The following DNAJB1 variants were observed in gnomAD, a reference collection of about 807,000 sequenced individuals.
DNAJB1 encodes the protein dnaJ homolog subfamily B member 1.
In DNAJB1, 14 loss-of-function variants were observed where a neutral mutation model predicts 24.0. The observed-to-expected ratio is 0.58, with a 90% CI of 0.39 to 0.91. The LOEUF is 0.91. Among genes scored for constraint, DNAJB1 ranks in the 40% least tolerant of loss-of-function variants. The pLI is 0.00. For missense variants in DNAJB1, 517 were observed against 458.1 expected (o/e 1.13, Z -1.17); for synonymous variants, 262 against 174.4 (o/e 1.50, Z -3.96).
In DNAJB1 at chr19:14,527,165, C is replaced by CTTTTTTTTTTT. The variant is rs369143149; in HGVS notation, c.-90+550_-90+560dup. Reference sequence around the variant, plus strand: ...AACTGCCACCAGAAAAATATCTCTGCTTTTTTTTTTTTTTTTTTTTTTTTT... The same window carrying CTTTTTTTTTTT: ...AACTGCCACCAGAAAAATATCTCTGCTTTTTTTTTTTTTTTTTTTTTTTTTTTTTTTTTTTT... On this transcript the variant is annotated intron_variant, in intron 2 of 3. Coordinates refer to the DNAJB1 transcript ENST00000396969. Among the ~76,000 whole-genome samples the CTTTTTTTTTTT allele has an allele frequency of 2.1e-3, 85 of 41,306 alleles. 12 individuals are homozygous for CTTTTTTTTTTT. Among genetic ancestry groups the CTTTTTTTTTTT allele is most frequent in the Non-Finnish European group, 2.7e-3 (66 of 24,750 alleles). 27.1% of individuals were successfully genotyped at this position (41,306 alleles called of 152,430 possible). A position where few individuals can be genotyped will look rare whatever the true frequency, so the allele number is the denominator to read the frequency against.
chr19:14,527,660 A>T (rs1262615628), intron 2 of DNAJB1: 2 of 152,182 alleles, frequency 1.3e-5, no homozygotes, highest in African/African-American at 4.8e-5. Context: ...CCAAATCTGG[A>T]TGACTGAGTT....
At chr19:14,545,511 T>TG (rs956935160) in intron 1 of DNAJB1, among the ~76,000 whole-genome samples, 5 of 151,834 alleles carry the variant, frequency 3.3e-5, no homozygotes, top group South Asian at 4.2e-4. Flanking sequence ...GCCTAGGGGG[T>TG]GGGGGGGATA....
Position 14,517,882 on chromosome 19 carries a change from G to A in DNAJB1, c.211+257C>T, listed in dbSNP as rs1599381360. 4 of 380,816 alleles carry A rather than the reference G, an allele frequency of 1.1e-5. No individual in the cohort carries two copies. In the East Asian group the frequency reaches 1.2e-4, roughly 11 times the overall value. 23.6% of individuals were successfully genotyped at this position (380,816 alleles called of 1,614,324 possible). On this transcript the variant is annotated intron_variant, in intron 1 of 2. Transcript: ENST00000254322. ...ATGCACCGCACCCCGGGGCTGCTCG[G>A]GGCCGCGGGAGGAGGCGCCCGGGGA...
upstream of DNAJB1, among the ~76,000 whole-genome samples, chr19:14,552,514 A>G (rs2073564510): frequency 6.6e-6 from 1 of 150,928 alleles, no homozygotes; most frequent in East Asian, 2.0e-4. Flanking sequence ...CGTAACAGGC[A>G]TCACAGTCTT....
chr19:14,555,438 C>CT (rs747503834), intron 1 of DNAJB1, among the ~76,000 whole-genome samples: 1,310 of 92,862 alleles, frequency 0.014, 76 homozygotes, highest in Non-Finnish European at 0.019. Context: ...TTTATTTATT[C>CT]TTTTTTTTTT....
intron 1 of DNAJB1, among the ~76,000 whole-genome samples, chr19:14,528,496 C>A (rs903608211): frequency 3.3e-5 from 5 of 151,974 alleles, no homozygotes; most frequent in Non-Finnish European, 7.4e-5. Flanking sequence ...CCTCGGCCTC[C>A]CAAGGTGCTA....
chr19:14,537,435 A>G (rs1206017825), intron 1 of DNAJB1, among the ~76,000 whole-genome samples: 2 of 137,302 alleles, frequency 1.5e-5, no homozygotes, highest in African/African-American at 5.2e-5. Context: ...CTTCTGGACT[A>G]ACTGGTTCCT....
intron 1 of DNAJB1, among the ~76,000 whole-genome samples, chr19:14,535,487 A>G (rs2072830598): frequency 1.8e-5 from 2 of 111,630 alleles, no homozygotes; most frequent in African/African-American, 7.1e-5. Flanking sequence ...AGCCTGGGCG[A>G]CAGAGCGAGA....
intron 1 of DNAJB1, among the ~76,000 whole-genome samples, chr19:14,546,984 T>C (rs1338524230): frequency 2.0e-5 from 3 of 152,306 alleles, no homozygotes; most frequent in East Asian, 1.9e-4. Flanking sequence ...CATGAGCCAC[T>C]GCACCCAGCC....
At chr19:14,517,377 G>A (rs960363809) in intron 1 of DNAJB1, 3 of 271,328 alleles carry the variant, frequency 1.1e-5, no homozygotes, top group African/African-American at 2.2e-5. Flanking sequence ...GTCCAGGGTC[G>A]GCTTTCGGTA....
At position 14,549,942 on chromosome 19, in the gene DNAJB1, CAA is replaced by C. The variant is rs908988580; in HGVS notation, c.-214+264_-214+265del. Among the ~76,000 whole-genome samples the C allele has an allele frequency of 1.4e-5, 2 of 144,510 alleles. 1 individual carries two copies. The highest frequency in any genetic ancestry group is 4.5e-4 in the South Asian group (2 of 4,466). 94.8% of individuals were successfully genotyped at this position (144,510 alleles called of 152,430 possible). A position where few individuals can be genotyped will look rare whatever the true frequency, so the allele number is the denominator to read the frequency against. On this transcript the variant is annotated intron_variant, in intron 1 of 3. Transcript: ENST00000676982. The stretch of plus-strand genomic sequence containing the variant: ...TGGGCAACACAGTGAGACTCTGTCT[CAA>C]AAAAAAAAATAAAAAAAATAAACTA...
intron 1 of DNAJB1, chr19:14,517,933 C>A: frequency 2.1e-6 from 1 of 483,928 alleles, no homozygotes; most frequent in South Asian, 4.7e-5. Flanking sequence ...ATGCTAGAAG[C>A]TTCTGGCCGA....
chr19:14,518,299 G>A lies in DNAJB1; in HGVS notation c.51C>T (p.Asp17=), dbSNP rs774213662. 5.0e-6 allele frequency: 8 copies of A among 1,608,250 alleles called. No homozygotes were observed. The Admixed American group carries it at 5.0e-5, about 10-fold the overall frequency. ...QTLGLARGAS[D]EEIKRAYRRQ... is the part of the protein sequence containing the mutation. ...GGCGGTAGGCCCGCTTGATCTCCTC[G>A]TCCGACGCGCCGCGGGCCAGGCCCA... The change falls in exon 1 of 3, where the codon GAC becomes GAT. Residue 17 remains aspartate (D), a synonymous_variant. Transcript: ENST00000254322.
At position 14,516,828 on chromosome 19, in the gene DNAJB1, C is replaced by G; in HGVS notation, c.430G>C (p.Val144Leu). 1 of 1,613,808 alleles carries G rather than the reference C, an allele frequency of 6.2e-7. No homozygotes were observed. The highest frequency in any genetic ancestry group is 8.5e-7 in the Non-Finnish European group (1 of 1,179,958). ...FPMGMGGFTNVNFGRSRSAQE... is the reference protein window; with the variant it reads ...FPMGMGGFTNLNFGRSRSAQE... ...GCAGAGCGGGAGCGGCCAAAGTTCA[C>G]GTTGGTGAAGCCACCCATGCCCATA... The change falls in exon 2 of 3, where the codon GTG (valine) becomes CTG (leucine). Residue 144 changes from valine to leucine, a missense_variant. Coordinates refer to ENST00000254322, the MANE Select transcript of DNAJB1 (RefSeq NM_006145.3).
chr19:14,558,219 C>T (rs1401938389), intron 1 of DNAJB1, among the ~76,000 whole-genome samples: 1 of 152,216 alleles, frequency 6.6e-6, no homozygotes, highest in Non-Finnish European at 1.5e-5. Context: ...GTCTGCTTCT[C>T]TGGGTTGTTC....
chr19:14,546,969 A>G (rs2073329744), intron 1 of DNAJB1, among the ~76,000 whole-genome samples: 2 of 152,216 alleles, frequency 1.3e-5, no homozygotes, highest in African/African-American at 4.8e-5. Context: ...TGCTGGGATT[A>G]CAGGCATGAG....
chr19:14,517,151 TTGTC>T lies in DNAJB1; in HGVS notation c.212-109_212-106del, dbSNP rs369457494. The T allele has an allele frequency of 1.6e-3, 2,048 of 1,254,234 alleles. 42 individuals carry two copies. In the South Asian group the frequency reaches 0.028, roughly 17 times the overall value. The allele number at this position is 1,254,234 out of a possible 1,614,324, so 77.7% of individuals were successfully genotyped here. ...TGGAAGCCATGGGGGAGGAACTTTT[TTGTC>T]TGTCAGGGGAGAGCAAGGAAGAACC... On this transcript the variant is annotated intron_variant, in intron 1 of 2. Coordinates refer to ENST00000254322, the MANE Select transcript of DNAJB1 (RefSeq NM_006145.3).
upstream of DNAJB1, among the ~76,000 whole-genome samples, chr19:14,521,456 AAATAAT>A (rs111596555): frequency 1.7e-3 from 237 of 143,114 alleles, 1 homozygote; most frequent in Non-Finnish European, 2.2e-3. Context: ...GAGAGTTTCA[AAATAAT>A]AATAATAATA....
upstream of DNAJB1, among the ~76,000 whole-genome samples, chr19:14,534,376 G>T (rs922646568): frequency 6.9e-6 from 1 of 145,888 alleles, no homozygotes; most frequent in South Asian, 2.2e-4. Flanking sequence ...CGCCCGCCTC[G>T]GCCTCCCAGG....
Sources: allele counts gnomAD v4.1 joint callset (sites outside exome capture counted in the v4.1 genomes callset), GRCh38; gene constraint gnomAD v4.1.1; transcripts MANE v1.5; gene names NCBI Gene and HGNC (gene_info 2026-07-23, HGNC 2026-07-21).